Variants in CT45A10 observed in about 807,000 individuals in gnomAD.
CT45A10 encodes the protein cancer/testis antigen family 45 member A10.
CT45A10 carries 19 observed loss-of-function variants against 8.3 expected under a neutral mutation model. That is an observed-to-expected ratio of 2.30 (90% CI 1.61 to 3.38). The LOEUF is 3.38. Ranked by LOEUF, CT45A10 falls within the 30% of genes most tolerant of loss-of-function variation. The pLI is 0.00. For missense variants in CT45A10, 149 were observed against 85.9 expected (o/e 1.73, Z -2.90); for synonymous variants, 28 against 26.5 (o/e 1.06, Z -0.17).
At chrX:135,893,175 G>C (rs2088525989) in intron 1 of CT45A10, among the ~76,000 whole-genome samples, 170 bp downstream of exon 1, 1 of 111,070 alleles carries the variant, frequency 9.0e-6, no homozygotes, top group South Asian at 3.9e-4. Flanking sequence ...GTTGACACAG[G>C]CTCCCATGGC....
At position 135,882,878 on chromosome X, in the gene CT45A10, C is replaced by T. The variant is rs1423484600; in HGVS notation, c.418+130G>A. The T allele has an allele frequency of 4.6e-4, 341 of 744,400 alleles. No homozygotes were observed. In the African/African-American group the frequency reaches 6.8e-3, roughly 15 times the overall value. 61.3% of individuals were successfully genotyped at this position (744,400 alleles called of 1,213,427 possible). A position where few individuals can be genotyped will look rare whatever the true frequency, so the allele number is the denominator to read the frequency against. On this transcript the variant is annotated intron_variant, in intron 3 of 4. Coordinates refer to ENST00000682849, the MANE Select transcript of CT45A10 (RefSeq NM_001291529.2). ...ATGCTTTAGTCAAAGAAAAGAGGAA[C>T]CACCATAAATTATGTGCAGTCTCAA...
At chrX:135,890,643 G>A (rs955223481) in intron 1 of CT45A10, among the ~76,000 whole-genome samples, 4 of 111,972 alleles carry the variant, frequency 3.6e-5, no homozygotes, top group Admixed American at 9.5e-5. Flanking sequence ...ATAAAAAGGC[G>A]TGCCTTTATT....
chrX:135,883,421 GT>G (rs1440114572), intron 2 of CT45A10, among the ~76,000 whole-genome samples, 165 bp from the exon 3 acceptor site: 1 of 110,045 alleles, frequency 9.1e-6, no homozygotes, highest in East Asian at 2.8e-4. Flanking sequence ...GTGCTCCTCA[GT>G]TTCTAGGGAA....
Position 135,883,015 on chromosome X carries a change from A to T in CT45A10, c.411T>A (p.Leu137=), listed in dbSNP as rs2088400618. The T allele has an allele frequency of 1.4e-5, 17 of 1,196,978 alleles. No individual in the cohort carries two copies. The highest frequency in any genetic ancestry group is 1.7e-5 in the Non-Finnish European group (15 of 885,261). Residue 137 remains leucine, a synonymous_variant, in exon 3 of 5, where the codon CTT becomes CTA. Coordinates refer to ENST00000682849, the MANE Select transcript of CT45A10 (RefSeq NM_001291529.2). The part of the protein sequence containing the change: ...KCQVVKEIRC[L]GRKYEKIFEM... ...CGTTCTTACACTACTTACTTCGTCC[A>T]AGGCATCGGATTTCCTTCACTACTT...
At chrX:135,889,725 C>T (rs782454443) in intron 1 of CT45A10, among the ~76,000 whole-genome samples, 62 of 108,619 alleles carry the variant, frequency 5.7e-4, no homozygotes, top group Non-Finnish European at 1.0e-3. Context: ...GTGGCACGCA[C>T]CTGTAGTCCC....
At chrX:135,883,350 T>C (rs1192899881) in intron 2 of CT45A10, 94 bp from the exon 3 acceptor site, 8 of 1,182,356 alleles carry the variant, frequency 6.8e-6, no homozygotes, top group African/African-American at 3.6e-5. Context: ...GATCTGGAAA[T>C]CAAACTGAGA....
At chrX:135,890,588 G>T (rs1399374377) in intron 1 of CT45A10, among the ~76,000 whole-genome samples, 1 of 112,020 alleles carries the variant, frequency 8.9e-6, no homozygotes, top group African/African-American at 3.3e-5. Flanking sequence ...GACTTGAATT[G>T]CTTGATAATT....
chrX:135,891,042 A>T (rs1234505849), intron 1 of CT45A10, among the ~76,000 whole-genome samples: 1 of 111,843 alleles, frequency 8.9e-6, no homozygotes, highest in Non-Finnish European at 1.9e-5. Context: ...TTGTGGAAAG[A>T]CTAGTGCTTT....
In CT45A10 at chrX:135,882,601, T is replaced by A; in HGVS notation, c.447A>T (p.Glu149Asp). ...RKYEKIFEML[E>D]GVQGPTAVRK... ...TGACTGCAGTAGGTCCTTGCACTCC[T>A]TCAAGCATTTCGAAGATTTTTTCAT... Residue 149 changes from glutamate to aspartate, a missense_variant, in exon 4 of 5, where the codon GAA (glutamate) becomes GAT (aspartate). Physicochemically the swap from Glu to Asp is conservative, Grantham distance 45. Coordinates refer to ENST00000682849, the MANE Select transcript of CT45A10 (RefSeq NM_001291529.2). 1 of 1,162,098 alleles carries A rather than the reference T, an allele frequency of 8.6e-7. No homozygotes were observed. The highest frequency in any genetic ancestry group is 1.8e-5 in the African/African-American group (1 of 54,278).
At position 135,893,406 on chromosome X, in the gene CT45A10, C is replaced by G. The variant is rs1329013411; in HGVS notation, c.-68G>C. 8.9e-6 allele frequency among the ~76,000 whole-genome samples: 1 copy of G among 112,728 alleles called. No homozygotes were observed. Among genetic ancestry groups the G allele is most frequent in the Non-Finnish European group, 1.9e-5 (1 of 53,291 alleles). On this transcript the variant is annotated 5_prime_UTR_variant, in exon 1 of 5. Coordinates refer to ENST00000682849, the MANE Select transcript of CT45A10 (RefSeq NM_001291529.2). ...GCAGTGAAGTTGTGGCGCCTCCCCA[C>G]TGTTGTAACTTTGTAGAAACTTGCC...
chrX:135,891,454 T>C (rs1268152060), intron 1 of CT45A10, among the ~76,000 whole-genome samples: 1 of 107,969 alleles, frequency 9.3e-6, no homozygotes, highest in Non-Finnish European at 1.9e-5. Flanking sequence ...AACAACTGAG[T>C]GGAATCCAGA....
chrX:135,883,377 A>G, intron 2 of CT45A10, 121 bp from the exon 3 acceptor site: 1 of 1,153,758 alleles, frequency 8.7e-7, no homozygotes, highest in Non-Finnish European at 1.2e-6. Context: ...GCTGTGAGAT[A>G]CGTGTGTTTC....
intron 1 of CT45A10, among the ~76,000 whole-genome samples, chrX:135,892,038 T>C (rs1340429520): frequency 1.1e-5 from 1 of 88,203 alleles, no homozygotes; most frequent in Admixed American, 1.2e-4. Flanking sequence ...AAACAATAAA[T>C]AGCTGGGCGC....
intron 1 of CT45A10, among the ~76,000 whole-genome samples, chrX:135,890,375 G>A (rs1439963804): frequency 8.9e-6 from 1 of 112,497 alleles, no homozygotes; most frequent in African/African-American, 3.2e-5. Context: ...CCTGTGGAAC[G>A]CCTTGTCAGA....
intron 1 of CT45A10, among the ~76,000 whole-genome samples, chrX:135,892,628 T>C (rs781838557): frequency 1.8e-5 from 2 of 109,399 alleles, no homozygotes; most frequent in South Asian, 7.9e-4. Context: ...GCTCAGAGAA[T>C]CCAAGGAACA....
Position 135,883,056 on chromosome X carries a change from C to T in CT45A10, c.370G>A (p.Ala124Thr), listed in dbSNP as rs1462349676. ...TTCACTACTTGACATTTTATATCAG[C>T]ATTAATTTCTTGTTGGCTTTTGGGA... The part of the protein sequence containing the change: ...SSPKSQQEIN[A>T]DIKCQVVKEI... Residue 124 changes from alanine to threonine, a missense_variant, in exon 3 of 5, where the codon GCT (alanine) becomes ACT (threonine). Coordinates refer to ENST00000682849, the MANE Select transcript of CT45A10 (RefSeq NM_001291529.2). 3 of 1,198,717 alleles carry T rather than the reference C, an allele frequency of 2.5e-6. No homozygotes were observed. Among genetic ancestry groups the T allele is most frequent in the Non-Finnish European group, 3.4e-6 (3 of 885,706 alleles).
chrX:135,883,000 C>G lies in CT45A10; in HGVS notation c.418+8G>C. 1 of 1,197,177 alleles carries G rather than the reference C, an allele frequency of 8.4e-7. No individual in the cohort carries two copies. The highest frequency in any genetic ancestry group is 1.1e-6 in the Non-Finnish European group (1 of 884,692). ...GTTTTATAAAACAGACGTTCTTACACTACTTACTTCGTCCAAGGCATCGGA... is the reference window on the plus strand; with the variant it reads ...GTTTTATAAAACAGACGTTCTTACAGTACTTACTTCGTCCAAGGCATCGGA... On this transcript the variant is annotated splice_region_variant and intron_variant, in intron 3 of 4. Coordinates refer to ENST00000682849, the MANE Select transcript of CT45A10 (RefSeq NM_001291529.2).
rs1375106139 is a variant in CT45A10, at chrX:135,883,116, C to T, written c.310G>A (p.Gly104Arg). ...ATTCCTCTGCATTCTAGGTCATCTC[C>T]AGAGAAATTGCTGGTAACGTTTCCT... ...VGGNVTSNFSGDDLECRGIAS... is the reference protein window; with the variant it reads ...VGGNVTSNFSRDDLECRGIAS... The change falls in exon 3 of 5, where the codon GGA (glycine) becomes AGA (arginine). Residue 104 changes from glycine to arginine, a missense_variant. By Grantham distance (125) the Gly-to-Arg change is moderately radical. Transcript: ENST00000682849. 1.6e-5 allele frequency: 19 copies of T among 1,197,413 alleles called. No homozygotes were observed. In the East Asian group the frequency reaches 5.7e-4, roughly 36 times the overall value.
intron 2 of CT45A10, among the ~76,000 whole-genome samples, chrX:135,883,489 G>A (rs1233001520): frequency 1.8e-3 from 198 of 110,011 alleles, no homozygotes; most frequent in African/African-American, 6.3e-3. Flanking sequence ...CCTGACAAAC[G>A]GAGGCCAGGA....
Sources: gnomAD v4.1 joint callset for allele counts (sites outside exome capture counted in the v4.1 genomes callset) on GRCh38, gnomAD v4.1.1 for gene constraint, MANE v1.5 for transcripts, NCBI Gene and HGNC (gene_info 2026-07-23, HGNC 2026-07-21) for gene names.